Variants in DPYD observed in about 807,000 individuals in gnomAD.
DPYD encodes the protein dihydropyrimidine dehydrogenase.
In DPYD, 109 loss-of-function variants were observed where a neutral mutation model predicts 116.2. That is an observed-to-expected ratio of 0.94 (90% CI 0.80 to 1.10). The LOEUF (loss-of-function observed/expected upper bound fraction) is 1.10, where lower values mean the gene tolerates loss of function less well. DPYD is among the 50% of genes least tolerant of loss of function. The pLI is 0.00. For missense variants in DPYD, 1,302 were observed against 1,254.5 expected (o/e 1.04, Z -0.57); for synonymous variants, 440 against 432.0 (o/e 1.02, Z -0.23).
At position 97,515,934 on chromosome 1, in the gene DPYD, T is replaced by C; in HGVS notation, c.1532A>G (p.Tyr511Cys). 6.2e-7 allele frequency: 1 copy of C among 1,612,312 alleles called. No homozygotes were observed. Among genetic ancestry groups the C allele is most frequent in the Non-Finnish European group, 8.5e-7 (1 of 1,178,898 alleles). ...AGGCTTGGCAGAAACGGAAGCTCCA[T>C]ATTGTGACTGCAAAATACAAACCAA... ...WYIHKYVQSQ[Y>C]GASVSAKPEL... is the part of the protein sequence containing the mutation. Residue 511 changes from tyrosine to cysteine, a missense_variant, in exon 13 of 23, where the codon TAT (tyrosine) becomes TGT (cysteine). Physicochemically the swap from Tyr to Cys is radical, Grantham distance 194 (BLOSUM62 -2). Transcript: ENST00000370192.
intron 7 of DPYD, among the ~76,000 whole-genome samples, chr1:97,687,442 C>T (rs963923392): frequency 2.4e-4 from 37 of 152,200 alleles, no homozygotes; most frequent in Admixed American, 1.4e-3. Context: ...CATTTCACAC[C>T]AGTCAGAATG....
At chr1:97,135,259 T>C (rs1653696908) in intron 20 of DPYD, among the ~76,000 whole-genome samples, 1 of 152,196 alleles carries the variant, frequency 6.6e-6, no homozygotes, top group Admixed American at 6.5e-5. Flanking sequence ...CTATAGGCAT[T>C]GTACAGTAAA....
chr1:97,792,859 CA>C (rs1667389381), intron 3 of DPYD, among the ~76,000 whole-genome samples: 2 of 152,116 alleles, frequency 1.3e-5, no homozygotes, highest in African/African-American at 2.4e-5. Context: ...TCAAGGTCAT[CA>C]AAAACAGGGT....
At chr1:97,587,824 C>T (rs1476910448) in intron 10 of DPYD, among the ~76,000 whole-genome samples, 1 of 57,418 alleles carries the variant, frequency 1.7e-5, no homozygotes, top group Non-Finnish European at 3.5e-5. Context: ...ACTCCATCTC[C>T]AAAAAAAAAA....
In DPYD at chr1:97,671,898, CT is replaced by C. The variant is rs952297551; in HGVS notation, c.850+7196del. ...CTTTTCTTTTCTTTTCTTTTGTCTT[CT>C]TTTTTTGTCTTTTCTTTTTATTTAT... On this transcript the variant is annotated intron_variant, in intron 8 of 22. Transcript: ENST00000370192. Among the ~76,000 whole-genome samples, 149 of 144,034 alleles carry C rather than the reference CT, an allele frequency of 1.0e-3. 1 individual carries two copies. Among genetic ancestry groups the C allele is most frequent in the Non-Finnish European group, 1.8e-4 (12 of 65,264 alleles). The allele number at this position is 144,034 out of a possible 152,430, so 94.5% of individuals were successfully genotyped here.
At chr1:97,132,650 T>A (rs2101673040) in intron 20 of DPYD, among the ~76,000 whole-genome samples, 1 of 152,214 alleles carries the variant, frequency 6.6e-6, no homozygotes, top group African/African-American at 2.4e-5. Context: ...CATGTGCAAA[T>A]CATCAAGATG....
intron 2 of DPYD, among the ~76,000 whole-genome samples, chr1:97,871,360 C>A (rs192191720): frequency 6.6e-6 from 1 of 151,842 alleles, no homozygotes; most frequent in African/African-American, 2.4e-5. Context: ...CTTCTTCTCC[C>A]AAGAGAAATT....
At chr1:97,173,472 TAA>T (rs1657012659) in intron 20 of DPYD, among the ~76,000 whole-genome samples, 1 of 74,050 alleles carries the variant, frequency 1.4e-5, no homozygotes, top group Admixed American at 1.2e-4. Flanking sequence ...TATACACACA[TAA>T]TGTGTATATA....
At chr1:97,554,803 T>C (rs905898816) in intron 11 of DPYD, among the ~76,000 whole-genome samples, 3 of 152,102 alleles carry the variant, frequency 2.0e-5, no homozygotes, top group African/African-American at 7.2e-5. Flanking sequence ...ACAATGAAGA[T>C]TCATTGTTTT....
chr1:97,486,709 A>G (rs2101894173), intron 13 of DPYD, among the ~76,000 whole-genome samples: 1 of 152,242 alleles, frequency 6.6e-6, no homozygotes, highest in East Asian at 1.9e-4. Context: ...TAAAACTCCA[A>G]AGGCATTGGG....
chr1:97,501,739 C>A (rs967001335), intron 13 of DPYD, among the ~76,000 whole-genome samples: 4 of 151,970 alleles, frequency 2.6e-5, no homozygotes, highest in Non-Finnish European at 5.9e-5. Context: ...GTTGTAGACA[C>A]AAATCCTACA....
At position 97,291,604 on chromosome 1, in the gene DPYD, G is replaced by A. The variant is rs112077880; in HGVS notation, c.2299+13655C>T. Among the ~76,000 whole-genome samples the A allele has an allele frequency of 5.3e-5, 8 of 151,334 alleles. No individual in the cohort carries two copies. In the South Asian group the frequency reaches 8.3e-4, roughly 16 times the overall value. On this transcript the variant is annotated intron_variant, in intron 18 of 22. Transcript: ENST00000370192. Reference sequence around the variant, plus strand: ...TCGCAAGGACAAAAAACCAAACACCGCATTTTCTCACTCATAGGTGGGAAT... The same window carrying A: ...TCGCAAGGACAAAAAACCAAACACCACATTTTCTCACTCATAGGTGGGAAT...
rs140461754 is a variant in DPYD at position 97,425,886 on chromosome 1, C to A, written c.1905+24173G>T. Among the ~76,000 whole-genome samples the A allele has an allele frequency of 1.0e-3, 157 of 149,796 alleles. 3 individuals are homozygous for A. Among genetic ancestry groups the A allele is most frequent in the Admixed American group, 9.8e-3 (147 of 15,060 alleles). On this transcript the variant is annotated intron_variant, in intron 14 of 22. Transcript: ENST00000370192. ...TATTATACATTTCAGCTTCAGTTTA[C>A]CAAAAAAAAAGTCTGCATCTTAACT...
intron 13 of DPYD, among the ~76,000 whole-genome samples, chr1:97,458,800 G>A (rs1036216563): frequency 2.0e-5 from 3 of 152,148 alleles, no homozygotes; most frequent in Non-Finnish European, 4.4e-5. Context: ...TAAAAATTTG[G>A]TTTAAAAGTG....
chr1:97,658,958 A>T (rs1659096711), intron 8 of DPYD, among the ~76,000 whole-genome samples: 1 of 151,962 alleles, frequency 6.6e-6, no homozygotes. Flanking sequence ...TCTCCCTCTA[A>T]CTTCTCTTTT....
chr1:97,778,662 T>C (rs1271641660), intron 3 of DPYD, among the ~76,000 whole-genome samples: 1 of 152,170 alleles, frequency 6.6e-6, no homozygotes, highest in Non-Finnish European at 1.5e-5. Flanking sequence ...AATGTATCAA[T>C]GACCATAACA....
At chr1:97,565,131 A>G (rs1450242733) in intron 11 of DPYD, among the ~76,000 whole-genome samples, 3 of 152,144 alleles carry the variant, frequency 2.0e-5, no homozygotes, top group Non-Finnish European at 4.4e-5. Context: ...TCAGCTTCTC[A>G]TAACGGCATT....
At chr1:97,079,871 C>T (rs938130335) in intron 22 of DPYD, among the ~76,000 whole-genome samples, 57 of 152,108 alleles carry the variant, frequency 3.7e-4, no homozygotes, top group African/African-American at 1.3e-3. Context: ...CCTCTATTCC[C>T]TCCCTCCCTT....
At chr1:97,640,436 G>A (rs562839935) in intron 8 of DPYD, among the ~76,000 whole-genome samples, 4 of 152,022 alleles carry the variant, frequency 2.6e-5, no homozygotes, top group South Asian at 2.1e-4. Flanking sequence ...AGCCTCCTGC[G>A]TAACTGGGAT....
Sources: allele counts gnomAD v4.1 joint callset (sites outside exome capture counted in the v4.1 genomes callset), GRCh38; gene constraint gnomAD v4.1.1; transcripts MANE v1.5; gene names NCBI Gene and HGNC (gene_info 2026-07-23, HGNC 2026-07-21).